The following XXYLT1 variants were observed in gnomAD, a reference collection of about 807,000 sequenced individuals.
XXYLT1 encodes UDP-xylose:alpha-xyloside alpha-1,3-xylosyltransferase.
A neutral mutation model predicts 28.9 loss-of-function variants in XXYLT1; 20 were observed. The observed-to-expected ratio is 0.69, with a 90% CI of 0.49 to 1.00. The LOEUF (loss-of-function observed/expected upper bound fraction) is 1.00. XXYLT1 is among the 50% of genes least tolerant of loss of function. XXYLT1 has a pLI of 0.00. For missense variants in XXYLT1, 542 were observed against 560.1 expected, an observed-to-expected ratio of 0.97 and a Z score of 0.33; for synonymous variants, 257 against 253.8, an observed-to-expected ratio of 1.01 and a Z score of -0.12.
chr3:195,083,130 A>G (rs1032682040), intron 3 of XXYLT1, among the ~76,000 whole-genome samples: 2 of 152,200 alleles, frequency 1.3e-5, no homozygotes, highest in Non-Finnish European at 2.9e-5. Context: ...CTGAGTCACT[A>G]TATTCCTTAA....
chr3:195,158,594 C>T (rs1007780207), intron 2 of XXYLT1, among the ~76,000 whole-genome samples: 2 of 152,206 alleles, frequency 1.3e-5, no homozygotes, highest in Non-Finnish European at 2.9e-5. Context: ...AAGTTGGTAA[C>T]ACTTCACCAG....
chr3:195,180,649 G>A lies in XXYLT1; in HGVS notation c.653-24068C>T, dbSNP rs554619313. 899 of 654,026 alleles carry A rather than the reference G, an allele frequency of 1.4e-3. 2 individuals carry two copies. The highest frequency in any genetic ancestry group is 6.7e-3 in the Admixed American group (107 of 15,890). 40.5% of individuals were successfully genotyped at this position (654,026 alleles called of 1,614,324 possible). ...CAGACGGCGGTGGCTGGAGCACCCC[G>A]TGCCACTGCAAACGTGACCAGGAAC... On this transcript the variant is annotated intron_variant, in intron 2 of 3. Transcript: ENST00000310380. This position sits in a 1 kb window ranked among gnomAD's most constrained non-coding sequence, Gnocchi z 5.8.
rs374295858 is a variant in XXYLT1 at position 195,100,168 on chromosome 3, C to T, written c.786-30057G>A. ...CCACCACCGTTCCCCCTGCTTCATG[C>T]GACAGGCAAGGAGTGGCCCAGCCAT... On this transcript the variant is annotated intron_variant, in intron 3 of 3. Transcript: ENST00000310380. Among the ~76,000 whole-genome samples, 20 of 152,272 alleles carry T rather than the reference C, an allele frequency of 1.3e-4. No individual in the cohort carries two copies. The South Asian group carries it at 3.9e-3, about 30-fold the overall frequency.
chr3:195,178,704 G>C (rs981685787), intron 2 of XXYLT1, among the ~76,000 whole-genome samples: 1 of 152,168 alleles, frequency 6.6e-6, no homozygotes, highest in African/African-American at 2.4e-5. Flanking sequence ...CGTACTTGAG[G>C]GGAGCAGAGA....
At chr3:195,262,365 G>A (rs1419876586) in intron 1 of XXYLT1, among the ~76,000 whole-genome samples, 1 of 152,142 alleles carries the variant, frequency 6.6e-6, no homozygotes, top group Non-Finnish European at 1.5e-5. Context: ...ATGGATACAG[G>A]GTTTCTGAGG....
chr3:195,102,488 G>A (rs2108678705), intron 3 of XXYLT1, among the ~76,000 whole-genome samples: 1 of 152,136 alleles, frequency 6.6e-6, no homozygotes, highest in East Asian at 1.9e-4. Context: ...CTACCGCTGT[G>A]TATTCAGCTT....
At chr3:195,100,025 C>A (rs1577024827) in intron 3 of XXYLT1, among the ~76,000 whole-genome samples, 1 of 152,070 alleles carries the variant, frequency 6.6e-6, no homozygotes, top group Admixed American at 6.6e-5. Flanking sequence ...AAATAAAGTA[C>A]AATAAATATC....
Position 195,070,061 on chromosome 3 carries a change from C to A in XXYLT1, c.836G>T (p.Gly279Val). The A allele has an allele frequency of 6.3e-7, 1 of 1,594,304 alleles. No individual in the cohort carries two copies. The highest frequency in any genetic ancestry group is 8.5e-7 in the Non-Finnish European group (1 of 1,177,142). The change falls in exon 4 of 4, where the codon GGC (glycine) becomes GTC (valine). Residue 279 changes from glycine (G) to valine (V), a missense_variant. Coordinates refer to ENST00000310380, the MANE Select transcript of XXYLT1 (RefSeq NM_152531.5). ...RHENPQTRVG[G>V]PPPEGLPGFN... is the part of the protein sequence containing the mutation. ...GCCCGGCAGCCCCTCGGGGGGCGGGCCCCCAACCCGGGTCTGGGGGTTCTC... is the reference window on the plus strand; with the variant it reads ...GCCCGGCAGCCCCTCGGGGGGCGGGACCCCAACCCGGGTCTGGGGGTTCTC...
Position 195,255,028 on chromosome 3 carries a change from A to G in XXYLT1, c.504+15527T>C, listed in dbSNP as rs1216081645. On this transcript the variant is annotated intron_variant, in intron 1 of 3. Coordinates refer to ENST00000310380, the MANE Select transcript of XXYLT1 (RefSeq NM_152531.5). The surrounding 1 kb of genome is among the most constrained non-coding windows in gnomAD (Gnocchi z 4.5). Reference sequence around the variant, plus strand: ...ACCCGCTGCACAGGAAAGAGAAAGAAGTCAGACTCGGACCCTGTCCCCAAC... The same window carrying G: ...ACCCGCTGCACAGGAAAGAGAAAGAGGTCAGACTCGGACCCTGTCCCCAAC... Among the ~76,000 whole-genome samples the G allele has an allele frequency of 6.6e-6, 1 of 152,180 alleles. No individual in the cohort carries two copies. The highest frequency in any genetic ancestry group is 1.9e-4 in the East Asian group (1 of 5,184).
In XXYLT1 at chr3:195,256,577, G is replaced by A. The variant is rs138545320; in HGVS notation, c.504+13978C>T. 7.1e-5 allele frequency: 70 copies of A among 985,324 alleles called. 1 individual carries two copies. The African/African-American group carries it at 7.7e-4, about 11-fold the overall frequency. The allele number at this position is 985,324 out of a possible 1,614,324, so 61.0% of individuals were successfully genotyped here. ...CCTCACACCCCGCAACTTCTCACCC[G>A]CACATTCAGGATGGGGTCTGGAAAG... is the stretch of plus-strand genomic sequence containing the variant. On this transcript the variant is annotated intron_variant, in intron 1 of 3. Coordinates refer to ENST00000310380, the MANE Select transcript of XXYLT1 (RefSeq NM_152531.5). The surrounding 1 kb of genome is among the most constrained non-coding windows in gnomAD (Gnocchi z 4.2).
rs896824533 is a variant in XXYLT1, at chr3:195,076,540, C to G, written c.786-6429G>C. 3.3e-5 allele frequency among the ~76,000 whole-genome samples: 5 copies of G among 152,180 alleles called. No homozygotes were observed. The highest frequency in any genetic ancestry group is 7.3e-5 in the Non-Finnish European group (5 of 68,036). On this transcript the variant is annotated intron_variant, in intron 3 of 3. Coordinates refer to ENST00000310380, the MANE Select transcript of XXYLT1 (RefSeq NM_152531.5). This position sits in a 1 kb window ranked among gnomAD's most constrained non-coding sequence, Gnocchi z 5.3. ...GGGCCTCATTTTTACCTAAAGACCA[C>G]TGGGCTCTGTTAGTTCGCTAGGGCT...
Position 195,271,109 on chromosome 3 carries a change from G to T in XXYLT1, c.-51C>A. 7.8e-7 allele frequency: 1 copy of T among 1,284,482 alleles called. No individual in the cohort carries two copies. The highest frequency in any genetic ancestry group is 9.8e-7 in the Non-Finnish European group (1 of 1,018,552). The allele number at this position is 1,284,482 out of a possible 1,614,324, so 79.6% of individuals were successfully genotyped here. ...GTGCCAGCAACGCGGGAGAGCCCTC[G>T]GGTACCCGGACGCCGGCGGCCACTT... is the stretch of plus-strand genomic sequence containing the variant. On this transcript the variant is annotated 5_prime_UTR_variant, in exon 1 of 4. Coordinates refer to ENST00000310380, the MANE Select transcript of XXYLT1 (RefSeq NM_152531.5).
intron 1 of XXYLT1, among the ~76,000 whole-genome samples, chr3:195,238,492 T>A (rs1577183869): frequency 6.6e-6 from 1 of 152,220 alleles, no homozygotes; most frequent in African/African-American, 2.4e-5. Flanking sequence ...GTGCCCTGTA[T>A]CCAGCCACTG....
rs185769187 is a variant in XXYLT1 at position 195,230,668 on chromosome 3, T to C, written c.505-3812A>G. Among the ~76,000 whole-genome samples the C allele has an allele frequency of 3.6e-3, 546 of 152,332 alleles. 3 individuals carry two copies. The highest frequency in any genetic ancestry group is 0.012 in the African/African-American group (493 of 41,564). ...TCCCCAGTGTATGTTCTTGGAACCA[T>C]TGTCAAATATGAGTTCATTGTAGAT... On this transcript the variant is annotated intron_variant, in intron 1 of 3. Coordinates refer to ENST00000310380, the MANE Select transcript of XXYLT1 (RefSeq NM_152531.5).
chr3:195,251,639 G>A (rs955308055), intron 1 of XXYLT1, among the ~76,000 whole-genome samples: 1 of 152,134 alleles, frequency 6.6e-6, no homozygotes, highest in African/African-American at 2.4e-5. Flanking sequence ...AGTCTGAGGT[G>A]GCACAAAGGA....
chr3:195,177,551 C>T (rs1348753910), intron 2 of XXYLT1, among the ~76,000 whole-genome samples: 1 of 152,128 alleles, frequency 6.6e-6, no homozygotes, highest in African/African-American at 2.4e-5. Context: ...TTGGGCTGAA[C>T]ATGAAAGCCC....
chr3:195,143,883 T>C (rs996473656), intron 3 of XXYLT1, among the ~76,000 whole-genome samples: 2 of 128,302 alleles, frequency 1.6e-5, no homozygotes, highest in Non-Finnish European at 3.2e-5. Context: ...TATATATATA[T>C]ATATATTTAT....
At chr3:195,136,655 G>T (rs888094656) in intron 3 of XXYLT1, among the ~76,000 whole-genome samples, 14 of 152,134 alleles carry the variant, frequency 9.2e-5, no homozygotes, top group Non-Finnish European at 1.6e-4. Flanking sequence ...AAACCAATTT[G>T]CACACAGTTG....
intron 3 of XXYLT1, among the ~76,000 whole-genome samples, chr3:195,148,399 A>G (rs911967055): frequency 1.6e-4 from 25 of 151,834 alleles, no homozygotes; most frequent in African/African-American, 6.1e-4. Flanking sequence ...TTTCTCCTTT[A>G]CTCAGATTTA....
Sources: gnomAD v4.1 joint callset for allele counts (sites outside exome capture counted in the v4.1 genomes callset) on GRCh38, gnomAD v4.1.1 for gene constraint, Gnocchi (gnomAD v3.1) non-coding constraint, MANE v1.5 for transcripts, NCBI Gene and HGNC (gene_info 2026-07-23, HGNC 2026-07-21) for gene names.